The following VBP1 variants were observed in gnomAD, a reference collection of about 807,000 sequenced individuals.
VBP1 encodes prefoldin subunit 3.
VBP1 carries 4 observed loss-of-function variants against 15.5 expected under a neutral mutation model. The observed-to-expected ratio is 0.26, with a 90% CI of 0.13 to 0.59. VBP1 has a LOEUF of 0.59. VBP1 is among the 20% of genes least tolerant of loss of function. The probability of loss-of-function intolerance (pLI) is 0.90; values close to 1 mark genes in which losing one functional copy is unlikely to be tolerated. For missense variants in VBP1, 108 were observed against 139.6 expected (o/e 0.77, Z 1.14); for synonymous variants, 61 against 52.1 (o/e 1.17, Z -0.74).
rs933130610 is a variant in VBP1 at position 155,239,480 on chromosome X, C to G, written c.*638C>G. 1 of 111,900 alleles carries G rather than the reference C, an allele frequency of 8.9e-6. No homozygotes were observed. Among genetic ancestry groups the G allele is most frequent in the Non-Finnish European group, 1.9e-5 (1 of 53,265 alleles). 9.2% of individuals were successfully genotyped at this position (111,900 alleles called of 1,213,427 possible). Reference sequence around the variant, plus strand: ...TTTGCAATGCCAACATAAGGGAGATCTTGGCCAACGTGAAATAAAATTACT... The same window carrying G: ...TTTGCAATGCCAACATAAGGGAGATGTTGGCCAACGTGAAATAAAATTACT... On this transcript the variant is annotated 3_prime_UTR_variant, in exon 6 of 6. Coordinates refer to ENST00000286428, the MANE Select transcript of VBP1 (RefSeq NM_003372.7).
At position 155,230,408 on chromosome X, in the gene VBP1, C is replaced by T. The variant is rs782740292; in HGVS notation, c.384+1926C>T. Among the ~76,000 whole-genome samples, 24 of 111,526 alleles carry T rather than the reference C, an allele frequency of 2.2e-4. No homozygotes were observed. The East Asian group carries it at 3.6e-3, about 17-fold the overall frequency. ...CCTTACTTCCACGTAAGGTCACATT[C>T]GCTAGTATAAGGGGTTAAAACTTAA... On this transcript the variant is annotated intron_variant, in intron 4 of 5. Transcript: ENST00000286428.
At chrX:155,220,130 A>G in intron 1 of VBP1, 53 bp from the exon 2 acceptor site, 2 of 1,131,000 alleles carry the variant, frequency 1.8e-6, no homozygotes, top group Non-Finnish European at 1.2e-6. Context: ...CAGTCAAAAA[A>G]TCTGAGTGGC....
At chrX:155,210,963 A>C (rs886637398) in intron 2 of VBP1, among the ~76,000 whole-genome samples, 4 of 112,072 alleles carry the variant, frequency 3.6e-5, no homozygotes, top group African/African-American at 9.7e-5. Context: ...TTTTTGAGCC[A>C]TCATCTGTAT....
intron 1 of VBP1, among the ~76,000 whole-genome samples, chrX:155,219,724 T>C (rs2074680003): frequency 9.0e-6 from 1 of 111,502 alleles, no homozygotes; most frequent in Non-Finnish European, 1.9e-5. Context: ...TATTTTTGAA[T>C]AAAAAATGAA....
At chrX:155,227,203 A>G in intron 2 of VBP1, 32 bp from the exon 3 acceptor site, 1 of 1,173,827 alleles carries the variant, frequency 8.5e-7, no homozygotes, top group Middle Eastern at 2.5e-4. Flanking sequence ...TTTGCCTGCA[A>G]AATACTAAGT....
chrX:155,201,779 G>T (rs1231036997), intron 1 of VBP1, among the ~76,000 whole-genome samples: 2 of 109,172 alleles, frequency 1.8e-5, no homozygotes, highest in Non-Finnish European at 3.8e-5. Context: ...GCAGGAGAAG[G>T]AAATAAAGGC....
At chrX:155,199,403 G>A (rs1196731880) in intron 1 of VBP1, among the ~76,000 whole-genome samples, 18 of 110,170 alleles carry the variant, frequency 1.6e-4, no homozygotes, top group South Asian at 3.9e-4. Context: ...GACTAACAGC[G>A]GATCTCTCGG....
rs782261188 is a variant in VBP1 at position 155,224,061 on chromosome X, G to A, written c.219-3174G>A. ...AGAGGATGGGCGGCCGGGCAGAGAC[G>A]CTCCTCACTTCCTAGACGGGATGAC... is the stretch of plus-strand genomic sequence containing the variant. On this transcript the variant is annotated intron_variant, in intron 2 of 5. Coordinates refer to ENST00000286428, the MANE Select transcript of VBP1 (RefSeq NM_003372.7). Among the ~76,000 whole-genome samples the A allele has an allele frequency of 4.6e-5, 5 of 108,570 alleles. No homozygotes were observed. In the East Asian group the frequency reaches 8.9e-4, roughly 19 times the overall value. The allele number at this position is 108,570 out of a possible 115,157, so 94.3% of individuals were successfully genotyped here.
intron 2 of VBP1, among the ~76,000 whole-genome samples, chrX:155,226,344 C>T (rs952012222): frequency 1.8e-5 from 2 of 111,925 alleles, no homozygotes; most frequent in East Asian, 5.5e-4. Flanking sequence ...GAGTCACTTA[C>T]TAGCATTTTG....
In VBP1 at chrX:155,222,429, T is replaced by C. The variant is rs1301727402; in HGVS notation, c.218+2122T>C. 3.6e-5 allele frequency among the ~76,000 whole-genome samples: 4 copies of C among 110,771 alleles called. No homozygotes were observed. In the Admixed American group the frequency reaches 3.8e-4, roughly 11 times the overall value. ...GGTTGAGGCTGCAGTCAGCTGTGAG[T>C]GTGCCACTGCACTCCAGCCTGGGCA... On this transcript the variant is annotated intron_variant, in intron 2 of 5. Transcript: ENST00000286428.
chrX:155,199,241 T>C (rs1196339892), intron 1 of VBP1, among the ~76,000 whole-genome samples: 39 of 110,134 alleles, frequency 3.5e-4, no homozygotes, highest in Non-Finnish European at 5.5e-4. Flanking sequence ...ACATTCAGAT[T>C]CAGGAAATAA....
intron 1 of VBP1, among the ~76,000 whole-genome samples, chrX:155,201,511 A>C (rs781975842): frequency 3.8e-4 from 33 of 85,986 alleles, no homozygotes; most frequent in Non-Finnish European, 6.7e-4. Flanking sequence ...GACAAAAACC[A>C]CATGATTATC....
chrX:155,224,819 T>C (rs1404962036), intron 2 of VBP1, among the ~76,000 whole-genome samples: 1 of 112,174 alleles, frequency 8.9e-6, no homozygotes, highest in African/African-American at 3.2e-5. Context: ...TTTTTTCCTC[T>C]TTCTTTCTGG....
chrX:155,224,003 G>A (rs1557309951), intron 2 of VBP1, among the ~76,000 whole-genome samples: 2 of 109,861 alleles, frequency 1.8e-5, no homozygotes, highest in African/African-American at 6.6e-5. Context: ...CATCTCAGAC[G>A]GGGTGGCTGG....
At chrX:155,237,679 A>T (rs1481934907) in intron 5 of VBP1, among the ~76,000 whole-genome samples, 1 of 111,152 alleles carries the variant, frequency 9.0e-6, no homozygotes, top group Non-Finnish European at 1.9e-5. Flanking sequence ...GTTCCTCCTA[A>T]CTGGAATGAC....
upstream of VBP1, among the ~76,000 whole-genome samples, chrX:155,214,768 C>CTTTTTT (rs782556765): frequency 9.6e-5 from 8 of 83,076 alleles, no homozygotes; most frequent in Non-Finnish European, 1.6e-4. Context: ...TTTTCTTTTC[C>CTTTTTT]TTTTTTTTTT....
intron 1 of VBP1, 59 bp downstream of exon 1, chrX:155,216,634 C>T (rs2074665909): frequency 8.6e-7 from 1 of 1,157,502 alleles, no homozygotes; most frequent in Non-Finnish European, 1.2e-6. Flanking sequence ...CCCCTTTCTT[C>T]CCGGCTCCCA....
chrX:155,233,468 T>C (rs2074756622), intron 4 of VBP1, among the ~76,000 whole-genome samples: 1 of 111,969 alleles, frequency 8.9e-6, no homozygotes, highest in Non-Finnish European at 1.9e-5. Flanking sequence ...AGTTCTCTGC[T>C]CTTAAGGGCT....
chrX:155,216,681 G>T, intron 1 of VBP1, 106 bp downstream of exon 1: 1 of 1,063,563 alleles, frequency 9.4e-7, no homozygotes, highest in Non-Finnish European at 1.3e-6. Flanking sequence ...TGAGCCAAGT[G>T]TTCAGGGAGG....
Sources: gnomAD v4.1 joint callset for allele counts (sites outside exome capture counted in the v4.1 genomes callset) on GRCh38, gnomAD v4.1.1 for gene constraint, MANE v1.5 for transcripts, NCBI Gene and HGNC (gene_info 2026-07-23, HGNC 2026-07-21) for gene names.